RC3H1: variants seen among roughly 807,000 people sequenced by gnomAD.
The protein encoded by RC3H1 is ring finger and CCCH-type domains 1.
Under a neutral mutation model 138.2 loss-of-function variants are expected in RC3H1, and 50 were observed. The observed-to-expected ratio is 0.36, with a 90% CI of 0.29 to 0.46. The LOEUF (loss-of-function observed/expected upper bound fraction) is 0.46, where lower values mean the gene tolerates loss of function less well. Among genes scored for constraint, RC3H1 ranks in the 20% least tolerant of loss-of-function variants. The pLI, the probability that RC3H1 is intolerant of heterozygous loss-of-function variation, is 1.00. For missense variants in RC3H1, 1,031 were observed against 1,388.1 expected (o/e 0.74, Z 4.09); for synonymous variants, 462 against 489.1 (o/e 0.94, Z 0.73).
chr1:173,988,562 G>A (rs906888478), intron 2 of RC3H1, among the ~76,000 whole-genome samples: 6 of 152,310 alleles, frequency 3.9e-5, no homozygotes, highest in Admixed American at 6.5e-5. Flanking sequence ...GGGTTTCTGT[G>A]TAGACATAAA....
chr1:173,955,042 C>T (rs562662114), intron 13 of RC3H1, among the ~76,000 whole-genome samples: 38 of 151,238 alleles, frequency 2.5e-4, no homozygotes, highest in South Asian at 2.3e-3. Flanking sequence ...CTGGCTAACA[C>T]GGTGAAACCC....
intron 14 of RC3H1, among the ~76,000 whole-genome samples, chr1:173,950,785 C>G (rs1284930881): frequency 6.6e-6 from 1 of 151,976 alleles, no homozygotes; most frequent in East Asian, 1.9e-4. Context: ...GTAATCCCAG[C>G]ATTTTGGGAG....
Position 174,014,868 on chromosome 1 carries a change from T to C in RC3H1, c.-151+7228A>G, listed in dbSNP as rs572145411. ...AGGTCTATATTCTAATATACACCAC[T>C]CTACTGTATATATGTTTATGATTCC... On this transcript the variant is annotated intron_variant, in intron 1 of 19. Transcript: ENST00000367696. Among the ~76,000 whole-genome samples, 27 of 152,324 alleles carry C rather than the reference T, an allele frequency of 1.8e-4. No individual in the cohort carries two copies. In the East Asian group the frequency reaches 2.3e-3, roughly 13 times the overall value.
At chr1:173,989,497 G>C (rs1013984426) in intron 2 of RC3H1, among the ~76,000 whole-genome samples, 2 of 151,450 alleles carry the variant, frequency 1.3e-5, no homozygotes, top group African/African-American at 4.8e-5. Context: ...CCAATTGTTC[G>C]TATCTTTGAA....
At position 173,962,095 on chromosome 1, in the gene RC3H1, C is replaced by T. The variant is rs1212903910; in HGVS notation, c.1832G>A (p.Gly611Asp). ...TTGTGGTGGTGGAGTATAATACATA[C>T]CTGCACAATACAAAAGAGGACCCAA... ...PPFEPAPYQQ[G>D]MYYTPPPQCV... The change falls in exon 12 of 20, where the codon GGT becomes GAT. Residue 611 changes from glycine (G) to aspartate (D), a missense_variant and splice_region_variant. Physicochemically the swap from Gly to Asp is moderately conservative, Grantham distance 94. This residue lies in a region of RC3H1 where 716 missense variants were observed against 837.9 expected (regional missense o/e 0.85). Transcript: ENST00000367696. 1.2e-6 allele frequency: 2 copies of T among 1,606,948 alleles called. No individual in the cohort carries two copies. The highest frequency in any genetic ancestry group is 1.7e-6 in the Non-Finnish European group (2 of 1,175,456).
intron 14 of RC3H1, among the ~76,000 whole-genome samples, chr1:173,951,244 G>C (rs1368023313): frequency 6.6e-6 from 1 of 152,110 alleles, no homozygotes; most frequent in East Asian, 1.9e-4. Context: ...AGTATCACTT[G>C]AACCTGGGAA....
At chr1:173,942,778 C>T (rs929562862) in intron 18 of RC3H1, among the ~76,000 whole-genome samples, 4 of 151,112 alleles carry the variant, frequency 2.6e-5, no homozygotes, top group African/African-American at 7.3e-5. Context: ...TGCAATGAGC[C>T]GAGATCGCAC....
rs916634909 is a variant in RC3H1, at chr1:173,936,372, G to A, written c.*2349C>T. ...AAGGTTGTAGTACAAAAATTAGCTG[G>A]ACGTGGTGGCGCGTGCCTGTAGTCC... On this transcript the variant is annotated 3_prime_UTR_variant, in exon 20 of 20. Coordinates refer to ENST00000367696, the MANE Select transcript of RC3H1 (RefSeq NM_172071.4). The A allele has an allele frequency of 1.3e-5, 2 of 151,710 alleles. No homozygotes were observed. Among genetic ancestry groups the A allele is most frequent in the African/African-American group, 4.8e-5 (2 of 41,268 alleles). The allele number at this position is 151,710 out of a possible 1,614,324, so 9.4% of individuals were successfully genotyped here. A position where few individuals can be genotyped will look rare whatever the true frequency, so the allele number is the denominator to read the frequency against.
chr1:173,939,454 C>T (rs1658738241), intron 19 of RC3H1, among the ~76,000 whole-genome samples: 1 of 146,824 alleles, frequency 6.8e-6, no homozygotes, highest in African/African-American at 2.5e-5. Flanking sequence ...TCACTTGAAC[C>T]TGAGAGGCAG....
chr1:174,001,705 A>G (rs1366040511), intron 1 of RC3H1, among the ~76,000 whole-genome samples: 1 of 152,220 alleles, frequency 6.6e-6, no homozygotes, highest in East Asian at 1.9e-4. Context: ...CAGGGATTAT[A>G]TAGGCATGAG....
At chr1:173,978,671 T>C (rs1244350891) in intron 6 of RC3H1, 51 bp from the exon 7 acceptor site, 4 of 1,525,212 alleles carry the variant, frequency 2.6e-6, no homozygotes, top group East Asian at 2.3e-5. Context: ...ATCCTTTAAA[T>C]ATAAAGATTA....
chr1:173,957,282 C>T (rs1213055238), intron 13 of RC3H1, among the ~76,000 whole-genome samples: 1 of 152,020 alleles, frequency 6.6e-6, no homozygotes, highest in Non-Finnish European at 1.5e-5. Context: ...TTCATCTTCA[C>T]CACACCACTA....
At chr1:173,994,310 T>C (rs998358741) in intron 1 of RC3H1, among the ~76,000 whole-genome samples, 1 of 151,972 alleles carries the variant, frequency 6.6e-6, no homozygotes, top group African/African-American at 2.4e-5. Context: ...GGAGAATTGC[T>C]TGAACCCAGG....
intron 1 of RC3H1, among the ~76,000 whole-genome samples, chr1:174,018,498 A>C (rs955974717): frequency 2.6e-5 from 4 of 152,214 alleles, no homozygotes; most frequent in Non-Finnish European, 4.4e-5. Context: ...AAATAGAAGG[A>C]ATCTACCTTA....
rs946556118 is a variant in RC3H1 at position 173,991,838 on chromosome 1, A to C, written c.231+917T>G. ...GATTATATATTTTAAAGTCTAATTT[A>C]TTTTTTCTTTTTCCTTTTAGATGAA... On this transcript the variant is annotated intron_variant, in intron 2 of 19. Transcript: ENST00000367696. Among the ~76,000 whole-genome samples the C allele has an allele frequency of 2.3e-4, 35 of 151,964 alleles. 1 individual carries two copies. Among genetic ancestry groups the C allele is most frequent in the Non-Finnish European group, 1.5e-5 (1 of 67,990 alleles).
At chr1:173,984,726 A>G in intron 2 of RC3H1, 107 bp from the exon 3 acceptor site, 3 of 1,053,534 alleles carry the variant, frequency 2.8e-6, no homozygotes. Flanking sequence ...CAAAACGCCC[A>G]CTAAATTTAC....
At chr1:174,003,519 CCTT>C (rs1330526743) in intron 1 of RC3H1, among the ~76,000 whole-genome samples, 3 of 151,964 alleles carry the variant, frequency 2.0e-5, no homozygotes, top group Non-Finnish European at 4.4e-5. Flanking sequence ...TTTCTTAAAA[CCTT>C]CTTATCCATT....
At chr1:173,997,876 T>C (rs1443547870) in intron 1 of RC3H1, among the ~76,000 whole-genome samples, 2 of 152,172 alleles carry the variant, frequency 1.3e-5, no homozygotes, top group East Asian at 3.9e-4. Flanking sequence ...CAGTTAATTG[T>C]AGATCATAGA....
intron 1 of RC3H1, among the ~76,000 whole-genome samples, chr1:173,996,399 C>T (rs74126482): frequency 0.033 from 4,985 of 152,164 alleles, 99 homozygotes; most frequent in Middle Eastern, 0.095. Context: ...AGAAAAAGGT[C>T]TGAAAAGACA....
Sources: gnomAD v4.1 joint callset for allele counts (sites outside exome capture counted in the v4.1 genomes callset) on GRCh38, gnomAD v4.1.1 for gene constraint, gnomAD v4.1.1 regional missense constraint, MANE v1.5 for transcripts, NCBI Gene and HGNC (gene_info 2026-07-23, HGNC 2026-07-21) for gene names.